The following AKAP6 variants were observed in gnomAD, a reference collection of about 807,000 sequenced individuals.
AKAP6 encodes A-kinase anchor protein 6.
AKAP6 carries 58 observed loss-of-function variants against 188.5 expected under a neutral mutation model. The observed-to-expected ratio is 0.31, with a 90% CI of 0.25 to 0.38. The LOEUF (loss-of-function observed/expected upper bound fraction) is 0.38. Among genes scored for constraint, AKAP6 ranks in the 10% least tolerant of loss-of-function variants. The pLI is 1.00. For missense variants in AKAP6, 2,710 were observed against 2,740.0 expected, an observed-to-expected ratio of 0.99 and a Z score of 0.24; for synonymous variants, 989 against 998.6, an observed-to-expected ratio of 0.99 and a Z score of 0.18.
intron 4 of AKAP6, among the ~76,000 whole-genome samples, chr14:32,569,553 ATAGT>A (rs1037255797): frequency 1.3e-5 from 2 of 152,182 alleles, no homozygotes; most frequent in East Asian, 1.9e-4. Flanking sequence ...CATTAAGTAT[ATAGT>A]TAGTTGGTTG....
intron 5 of AKAP6, among the ~76,000 whole-genome samples, chr14:32,598,599 C>G (rs1159212581): frequency 6.6e-6 from 1 of 152,082 alleles, no homozygotes; most frequent in East Asian, 1.9e-4. Context: ...TTTCAAATTA[C>G]TTATAATTTG....
At chr14:32,368,357 A>G (rs1887900701) in intron 1 of AKAP6, among the ~76,000 whole-genome samples, 1 of 152,186 alleles carries the variant, frequency 6.6e-6, no homozygotes, top group African/African-American at 2.4e-5. Context: ...TGCTGGAAGT[A>G]TGTATAAGTG....
chr14:32,749,772 A>G (rs966464245), intron 11 of AKAP6, among the ~76,000 whole-genome samples: 1 of 152,242 alleles, frequency 6.6e-6, no homozygotes, highest in African/African-American at 2.4e-5. Flanking sequence ...TTAATGACCA[A>G]GTTGAAGAGA....
chr14:32,503,147 G>T (rs963404189), intron 2 of AKAP6, among the ~76,000 whole-genome samples: 2 of 151,984 alleles, frequency 1.3e-5, no homozygotes, highest in African/African-American at 4.8e-5. Context: ...TGATATTTTA[G>T]TGTAGCTTAA....
intron 7 of AKAP6, among the ~76,000 whole-genome samples, chr14:32,640,793 A>G (rs1301588055): frequency 2.0e-5 from 3 of 152,200 alleles, no homozygotes; most frequent in African/African-American, 4.8e-5. Context: ...TGATTCAGAA[A>G]TGACACAGAA....
chr14:32,482,995 A>C (rs1204857515), intron 2 of AKAP6, among the ~76,000 whole-genome samples: 1 of 93,930 alleles, frequency 1.1e-5, no homozygotes, highest in East Asian at 6.9e-4. Flanking sequence ...GTGTGTATAT[A>C]TATATATATA....
rs1454723393 is a variant in AKAP6 at position 32,695,977 on chromosome 14, G to A, written c.2880-13G>A. On this transcript the variant is annotated splice_polypyrimidine_tract_variant and intron_variant, in intron 8 of 13. Coordinates refer to ENST00000280979, the MANE Select transcript of AKAP6 (RefSeq NM_004274.5). ...TGTATTTATGCATACTACATTTTGCGCCTTATCTTCAGGCTTCTGGACTTT... is the reference window on the plus strand; with the variant it reads ...TGTATTTATGCATACTACATTTTGCACCTTATCTTCAGGCTTCTGGACTTT... 3.1e-6 allele frequency: 5 copies of A among 1,610,820 alleles called. No homozygotes were observed. The highest frequency in any genetic ancestry group is 3.4e-6 in the Non-Finnish European group (4 of 1,179,120).
intron 2 of AKAP6, among the ~76,000 whole-genome samples, chr14:32,483,885 G>C (rs968575595): frequency 2.6e-5 from 4 of 151,658 alleles, no homozygotes; most frequent in Non-Finnish European, 2.9e-5. Context: ...CCATCAACCT[G>C]TCGTCTACAT....
At chr14:32,498,185 G>A (rs1474542827) in intron 2 of AKAP6, among the ~76,000 whole-genome samples, 1 of 152,028 alleles carries the variant, frequency 6.6e-6, no homozygotes, top group Admixed American at 6.6e-5. Flanking sequence ...CCCACATAAT[G>A]CAAGATTTTC....
chr14:32,752,901 G>A (rs2032192140), intron 11 of AKAP6, among the ~76,000 whole-genome samples: 1 of 152,138 alleles, frequency 6.6e-6, no homozygotes, highest in Non-Finnish European at 1.5e-5. Context: ...TTATGTGTGT[G>A]TGTGTAAGTG....
At chr14:32,630,530 G>A (rs1209253853) in intron 7 of AKAP6, among the ~76,000 whole-genome samples, 1 of 151,996 alleles carries the variant, frequency 6.6e-6, no homozygotes, top group Non-Finnish European at 1.5e-5. Context: ...GAAAAAAGGA[G>A]ATACTTTTGG....
chr14:32,704,120 T>A (rs1175577002), intron 9 of AKAP6, among the ~76,000 whole-genome samples: 2 of 152,142 alleles, frequency 1.3e-5, no homozygotes, highest in Non-Finnish European at 2.9e-5. Context: ...TTGTGCTGCT[T>A]GGTTTCAGGG....
chr14:32,635,743 A>G (rs1475576218), intron 7 of AKAP6, among the ~76,000 whole-genome samples: 1 of 152,166 alleles, frequency 6.6e-6, no homozygotes, highest in African/African-American at 2.4e-5. Context: ...TAATAAACAC[A>G]TAAAGAATGT....
chr14:32,476,995 T>C (rs1454094388), intron 2 of AKAP6, among the ~76,000 whole-genome samples: 1 of 152,130 alleles, frequency 6.6e-6, no homozygotes, highest in Non-Finnish European at 1.5e-5. Flanking sequence ...TGATTTGCAA[T>C]TGGTTAAGGA....
At position 32,773,902 on chromosome 14, in the gene AKAP6, T is replaced by G. The variant is rs370805487; in HGVS notation, c.3588+9T>G. The G allele has an allele frequency of 1.2e-6, 2 of 1,612,216 alleles. No homozygotes were observed. The highest frequency in any genetic ancestry group is 1.7e-6 in the Non-Finnish European group (2 of 1,178,552). ...AGATGGGAAAGGAATCTGTGAGTGA[T>G]GCTTTTTTTAAGCATAATTGTCTGT... On this transcript the variant is annotated intron_variant, in intron 12 of 13. Transcript: ENST00000280979.
At chr14:32,694,723 C>G (rs374095301) in intron 8 of AKAP6, among the ~76,000 whole-genome samples, 3 of 140,362 alleles carry the variant, frequency 2.1e-5, no homozygotes, top group East Asian at 4.2e-4. Flanking sequence ...AGATCTATTC[C>G]CCCCCACCCC....
chr14:32,404,604 A>G (rs1889211955), intron 1 of AKAP6, among the ~76,000 whole-genome samples: 1 of 146,922 alleles, frequency 6.8e-6, no homozygotes, highest in Non-Finnish European at 1.5e-5. Flanking sequence ...TGGAATTAGA[A>G]TATACATATT....
chr14:32,741,390 C>G (rs1174184211), intron 11 of AKAP6, among the ~76,000 whole-genome samples: 2 of 152,006 alleles, frequency 1.3e-5, no homozygotes, highest in African/African-American at 4.8e-5. Context: ...GCTAGGACTT[C>G]CAGAACTATG....
chr14:32,764,674 CAAAT>C (rs946163754), intron 11 of AKAP6, among the ~76,000 whole-genome samples: 3 of 146,938 alleles, frequency 2.0e-5, no homozygotes, highest in African/African-American at 7.7e-5. Context: ...CCTCGTTTGT[CAAAT>C]AGATAGATGA....
Sources: gnomAD v4.1 joint callset for allele counts (sites outside exome capture counted in the v4.1 genomes callset) on GRCh38, gnomAD v4.1.1 for gene constraint, MANE v1.5 for transcripts, NCBI Gene and HGNC (gene_info 2026-07-23, HGNC 2026-07-21) for gene names.